Variants in AFF3 observed in about 807,000 individuals in gnomAD.
AFF3 encodes ALF transcription elongation factor 3, also known as AF4/FMR2 family member 3.
A neutral mutation model predicts 129.7 loss-of-function variants in AFF3; 32 were observed. The ratio of observed to expected loss-of-function variants is 0.25; its 90% CI spans 0.19 to 0.33. The LOEUF (loss-of-function observed/expected upper bound fraction) is 0.33. Ranked by LOEUF, AFF3 falls within the 10% of genes least tolerant of loss-of-function variation. The pLI is 1.00. For missense variants in AFF3, 1,373 were observed against 1,592.0 expected (o/e 0.86, Z 2.34); for synonymous variants, 644 against 635.4 (o/e 1.01, Z -0.20).
At chr2:99,622,790 T>C (rs978957759) in intron 13 of AFF3, among the ~76,000 whole-genome samples, 1 of 152,224 alleles carries the variant, frequency 6.6e-6, no homozygotes, top group Non-Finnish European at 1.5e-5. Flanking sequence ...CATTCTTTCA[T>C]TGAACTCAGA....
At chr2:99,770,539 T>C (rs1377716849) in intron 8 of AFF3, among the ~76,000 whole-genome samples, 1 of 152,154 alleles carries the variant, frequency 6.6e-6, no homozygotes, top group Non-Finnish European at 1.5e-5. Context: ...CCTTCTGCTT[T>C]TCTAAGCAGA....
chr2:99,682,934 G>GTCTTCTCC (rs2104569186), intron 11 of AFF3, among the ~76,000 whole-genome samples: 1 of 152,326 alleles, frequency 6.6e-6, no homozygotes, highest in East Asian at 1.9e-4. Flanking sequence ...GGAGACATCT[G>GTCTTCTCC]AGATTACTGT....
chr2:99,658,052 C>T (rs1321509281), intron 12 of AFF3, among the ~76,000 whole-genome samples: 2 of 152,176 alleles, frequency 1.3e-5, no homozygotes, highest in South Asian at 2.1e-4. Context: ...CTCCAAAGCA[C>T]GTGGCTCTTC....
intron 13 of AFF3, among the ~76,000 whole-genome samples, chr2:99,614,460 A>T (rs1681222631): frequency 6.6e-6 from 1 of 152,194 alleles, no homozygotes. Context: ...CCAACTTCCA[A>T]TTTAAGAACA....
chr2:99,733,796 T>C (rs1334056109), intron 10 of AFF3, among the ~76,000 whole-genome samples: 1 of 152,230 alleles, frequency 6.6e-6, no homozygotes, highest in East Asian at 1.9e-4. Context: ...CTCACTTTCA[T>C]TGCTCAATTT....
At chr2:99,600,011 C>G (rs61379087) in intron 14 of AFF3, among the ~76,000 whole-genome samples, 8,178 of 152,210 alleles carry the variant, frequency 0.054, 280 homozygotes, top group African/African-American at 0.087. Flanking sequence ...GTAAATGAAT[C>G]AATGAATGAG....
At position 100,007,275 on chromosome 2, in the gene AFF3, G is replaced by A. The variant is rs756276962; in HGVS notation, c.360C>T (p.Asn120=). ...EHFVADSRAQ[N]QPSSICSTTT... is the part of the protein sequence containing the mutation. ...TAGTGCTACAGATAGACGAGGGCTG[G>A]TTCTGGGCTCTTGAATCTGCAACAA... Residue 120 remains asparagine, a synonymous_variant, in exon 6 of 25, where the codon AAC becomes AAT. Transcript: ENST00000672756. 7 of 1,614,018 alleles carry A rather than the reference G, an allele frequency of 4.3e-6. No homozygotes were observed. In the African/African-American group the frequency reaches 6.7e-5, roughly 15 times the overall value.
At chr2:99,687,305 T>C (rs149511421) in intron 11 of AFF3, among the ~76,000 whole-genome samples, 7 of 152,346 alleles carry the variant, frequency 4.6e-5, no homozygotes, top group African/African-American at 9.6e-5. Flanking sequence ...TTCACAATTA[T>C]TTATTTGATT....
At chr2:99,696,046 C>T (rs1352629415) in intron 11 of AFF3, among the ~76,000 whole-genome samples, 1 of 151,266 alleles carries the variant, frequency 6.6e-6, no homozygotes, top group African/African-American at 2.4e-5. Context: ...TTAGTCATCC[C>T]TTTCCCAAGA....
At chr2:100,014,415 C>T (rs1682812608) in intron 4 of AFF3, among the ~76,000 whole-genome samples, 2 of 152,100 alleles carry the variant, frequency 1.3e-5, no homozygotes, top group South Asian at 2.1e-4. Flanking sequence ...AATTCACTTT[C>T]GTCCAAAAGC....
intron 4 of AFF3, among the ~76,000 whole-genome samples, chr2:100,039,700 A>G (rs899490499): frequency 7.2e-5 from 11 of 152,036 alleles, no homozygotes; most frequent in African/African-American, 2.7e-4. Flanking sequence ...TTACATCCAT[A>G]TGCCTTCGCT....
intron 4 of AFF3, among the ~76,000 whole-genome samples, chr2:100,012,333 AGCTGC>A (rs1682628346): frequency 6.6e-6 from 1 of 152,106 alleles, no homozygotes; most frequent in Non-Finnish European, 1.5e-5. Flanking sequence ...GCCTCCACTG[AGCTGC>A]TTCTTAAAAC....
At chr2:99,984,931 G>T (rs1679731876) in intron 7 of AFF3, among the ~76,000 whole-genome samples, 1 of 152,158 alleles carries the variant, frequency 6.6e-6, no homozygotes, top group Non-Finnish European at 1.5e-5. Flanking sequence ...CTCTCACAAA[G>T]CAGCCCCGTT....
At chr2:99,594,777 G>A (rs998550184) in intron 14 of AFF3, among the ~76,000 whole-genome samples, 1 of 152,192 alleles carries the variant, frequency 6.6e-6, no homozygotes. Context: ...CATGATTTAT[G>A]TGTTGAAGGC....
intron 15 of AFF3, 39 bp downstream of exon 15, chr2:99,593,156 C>T (rs200713326): frequency 2.6e-4 from 403 of 1,526,950 alleles, no homozygotes; most frequent in Non-Finnish European, 3.4e-4. Context: ...TAGCCCCTTC[C>T]CCTCCACGCC....
chr2:99,809,004 A>G (rs1229157511), intron 8 of AFF3, among the ~76,000 whole-genome samples: 3 of 152,246 alleles, frequency 2.0e-5, no homozygotes, highest in Non-Finnish European at 2.9e-5. Flanking sequence ...TTCCCTGGGC[A>G]GGAGAATTTA....
intron 13 of AFF3, among the ~76,000 whole-genome samples, chr2:99,635,127 TATATGATATATACACATATCTCTAG>T (rs1683519091): frequency 6.6e-6 from 1 of 151,830 alleles, no homozygotes; most frequent in African/African-American, 2.4e-5. Context: ...TATCTCTAGG[TATATGATATATACACATATCTCTAG>T]GTATATGATA....
chr2:100,105,603 A>G lies in AFF3; in HGVS notation c.-144-20T>C, dbSNP rs1344460928. On this transcript the variant is annotated intron_variant, in intron 2 of 24. Coordinates refer to ENST00000672756, the MANE Select transcript of AFF3 (RefSeq NM_001386135.1). ...GATCAGCTAGAAGGGTGATAAGAGT[A>G]TCATCGTGGCTCCTAAAGAGTAATA... is the stretch of plus-strand genomic sequence containing the variant. 104 of 1,335,294 alleles carry G rather than the reference A, an allele frequency of 7.8e-5. No individual in the cohort carries two copies. The highest frequency in any genetic ancestry group is 1.0e-4 in the Non-Finnish European group (104 of 1,007,064). 82.7% of individuals were successfully genotyped at this position (1,335,294 alleles called of 1,614,324 possible). A position where few individuals can be genotyped will look rare whatever the true frequency, so the allele number is the denominator to read the frequency against.
At chr2:99,990,315 T>C (rs901537070) in intron 7 of AFF3, among the ~76,000 whole-genome samples, 13 of 152,190 alleles carry the variant, frequency 8.5e-5, no homozygotes, top group African/African-American at 3.1e-4. Context: ...AAGTCTCTTT[T>C]GTGAGGAATA....
Sources: allele counts gnomAD v4.1 joint callset (sites outside exome capture counted in the v4.1 genomes callset), GRCh38; gene constraint gnomAD v4.1.1; transcripts MANE v1.5; gene names NCBI Gene and HGNC (gene_info 2026-07-23, HGNC 2026-07-21).